The following RYR2 variants were observed in gnomAD, a reference collection of about 807,000 sequenced individuals.
RYR2 encodes the protein cardiac muscle ryanodine receptor-calcium release channel.
A neutral mutation model predicts 601.1 loss-of-function variants in RYR2; 227 were observed. The observed-to-expected ratio is 0.38, with a 90% CI of 0.34 to 0.42. The LOEUF (loss-of-function observed/expected upper bound fraction) is 0.42. Among genes scored for constraint, RYR2 ranks in the 10% least tolerant of loss-of-function variants. RYR2 has a pLI of 1.00. For missense variants in RYR2, 4,646 were observed against 6,156.5 expected (o/e 0.75, Z 8.21); for synonymous variants, 2,223 against 2,175.1 (o/e 1.02, Z -0.61).
At chr1:237,504,052 TC>T (rs1270682444) in intron 22 of RYR2, among the ~76,000 whole-genome samples, 1 of 152,252 alleles carries the variant, frequency 6.6e-6, no homozygotes, top group Non-Finnish European at 1.5e-5. Context: ...ATAAACTGAT[TC>T]CCTAATGTAC....
chr1:237,266,573 T>C (rs1689081571), intron 1 of RYR2, among the ~76,000 whole-genome samples: 1 of 152,246 alleles, frequency 6.6e-6, no homozygotes, highest in African/African-American at 2.4e-5. Context: ...TAAAGGCAAC[T>C]GGAAGGTGGC....
intron 8 of RYR2, among the ~76,000 whole-genome samples, chr1:237,383,579 GC>G (rs1270765748): frequency 3.3e-5 from 5 of 151,540 alleles, no homozygotes; most frequent in Non-Finnish European, 7.4e-5. Flanking sequence ...GTAGGTGCCT[GC>G]CACCACACCC....
At chr1:237,481,809 CAAA>C (rs553197529) in intron 17 of RYR2, among the ~76,000 whole-genome samples, 6,628 of 46,336 alleles carry the variant, frequency 0.14, 196 homozygotes, top group African/African-American at 0.24. Context: ...TGCTGTGTAG[CAAA>C]AAAAAAAAAA....
chr1:237,597,132 C>G (rs1239147796), intron 34 of RYR2, among the ~76,000 whole-genome samples: 1 of 152,002 alleles, frequency 6.6e-6, no homozygotes, highest in Non-Finnish European at 1.5e-5. Flanking sequence ...TGGTGCTATG[C>G]CAAATCTTTC....
intron 29 of RYR2, among the ~76,000 whole-genome samples, chr1:237,588,413 G>C (rs1401814782): frequency 6.6e-6 from 1 of 152,164 alleles, no homozygotes; most frequent in East Asian, 1.9e-4. Flanking sequence ...TGTCAAAATT[G>C]TTGGCTTATT....
chr1:237,155,231 A>G (rs1357357319), intron 1 of RYR2, among the ~76,000 whole-genome samples: 2 of 135,674 alleles, frequency 1.5e-5, no homozygotes, highest in Non-Finnish European at 3.0e-5. Context: ...GCTGGAGTGC[A>G]GTGGTGCGGT....
intron 1 of RYR2, among the ~76,000 whole-genome samples, chr1:237,176,424 C>G (rs1316255008): frequency 6.6e-6 from 1 of 151,342 alleles, no homozygotes; most frequent in African/African-American, 2.4e-5. Flanking sequence ...TTAAAATATG[C>G]TATCATTTAT....
chr1:237,276,380 G>A (rs950833700), intron 2 of RYR2, among the ~76,000 whole-genome samples: 11 of 152,134 alleles, frequency 7.2e-5, no homozygotes, highest in Non-Finnish European at 1.5e-4. Context: ...GATTACAAGC[G>A]TGAGCCACCA....
intron 77 of RYR2, among the ~76,000 whole-genome samples, chr1:237,730,908 G>A (rs1396982752): frequency 6.6e-6 from 1 of 152,040 alleles, no homozygotes; most frequent in Non-Finnish European, 1.5e-5. Flanking sequence ...CTAAGTCATG[G>A]ACCCATCTAA....
chr1:237,054,320 C>A (rs1661693219), intron 1 of RYR2, among the ~76,000 whole-genome samples: 1 of 142,082 alleles, frequency 7.0e-6, no homozygotes, highest in Admixed American at 7.1e-5. Flanking sequence ...TCTCCCCTCC[C>A]CGCCTCCCCC....
Position 237,042,414 on chromosome 1 carries a change from C to T in RYR2, c.-108C>T, listed in dbSNP as rs1387672606. On this transcript the variant is annotated 5_prime_UTR_variant, in exon 1 of 105. Coordinates refer to ENST00000366574, the MANE Select transcript of RYR2 (RefSeq NM_001035.3). Reference sequence around the variant, plus strand: ...TCGGCACCCGGCAGCGCGGCCCCCTCCAGCCCCCGGCTCCCGGCAGCAGAA... The same window carrying T: ...TCGGCACCCGGCAGCGCGGCCCCCTTCAGCCCCCGGCTCCCGGCAGCAGAA... 3 of 1,098,558 alleles carry T rather than the reference C, an allele frequency of 2.7e-6. No individual in the cohort carries two copies. Among genetic ancestry groups the T allele is most frequent in the African/African-American group, 1.6e-5 (1 of 60,724 alleles). The allele number at this position is 1,098,558 out of a possible 1,614,324, so 68.1% of individuals were successfully genotyped here.
intron 17 of RYR2, among the ~76,000 whole-genome samples, chr1:237,486,957 AG>A (rs1662748352): frequency 6.6e-6 from 1 of 152,270 alleles, no homozygotes; most frequent in Middle Eastern, 3.4e-3. Flanking sequence ...TGATGTTAAA[AG>A]GTTCTCTCAA....
chr1:237,507,675 T>C (rs911547752), intron 23 of RYR2, among the ~76,000 whole-genome samples: 11 of 152,266 alleles, frequency 7.2e-5, no homozygotes, highest in Non-Finnish European at 1.5e-4. Flanking sequence ...GGTCAAATTG[T>C]CATTACAGTG....
At chr1:237,496,173 G>A (rs997037586) in intron 19 of RYR2, among the ~76,000 whole-genome samples, 11 of 152,198 alleles carry the variant, frequency 7.2e-5, no homozygotes, top group African/African-American at 2.4e-4. Context: ...GGAGGTCGAG[G>A]CAGGAGGATC....
chr1:237,198,842 C>CTTT (rs11377436), intron 1 of RYR2, among the ~76,000 whole-genome samples: 2 of 147,872 alleles, frequency 1.4e-5, no homozygotes, highest in African/African-American at 5.0e-5. Flanking sequence ...ATTTTCTTAT[C>CTTT]TTTTTTTTTT....
At chr1:237,574,230 G>T (rs1417777421) in intron 29 of RYR2, among the ~76,000 whole-genome samples, 3 of 152,156 alleles carry the variant, frequency 2.0e-5, no homozygotes, top group Non-Finnish European at 1.5e-5. Flanking sequence ...GAATAGTGAG[G>T]GGCATGTGTG....
chr1:237,346,466 A>G (rs937967585), intron 3 of RYR2, among the ~76,000 whole-genome samples: 1 of 151,838 alleles, frequency 6.6e-6, no homozygotes, highest in Non-Finnish European at 1.5e-5. Context: ...AAGTAAGATT[A>G]ATTTAGGAAG....
chr1:237,188,159 C>T (rs1005165016), intron 1 of RYR2, among the ~76,000 whole-genome samples: 44 of 151,940 alleles, frequency 2.9e-4, no homozygotes, highest in African/African-American at 1.0e-3. Flanking sequence ...GGCAGGTTGG[C>T]GAATTAGTAT....
intron 1 of RYR2, among the ~76,000 whole-genome samples, chr1:237,085,784 C>T (rs929706644): frequency 6.6e-6 from 1 of 152,132 alleles, no homozygotes; most frequent in African/African-American, 2.4e-5. Context: ...AGGTGTCCCT[C>T]TGTCACCCAG....
Sources: allele counts gnomAD v4.1 joint callset (sites outside exome capture counted in the v4.1 genomes callset), GRCh38; gene constraint gnomAD v4.1.1; transcripts MANE v1.5; gene names NCBI Gene and HGNC (gene_info 2026-07-23, HGNC 2026-07-21).